The following DOCK3 variants were observed in gnomAD, a reference collection of about 807,000 sequenced individuals.
DOCK3 encodes the protein dedicator of cytokinesis protein 3.
Under a neutral mutation model 265.6 loss-of-function variants are expected in DOCK3, and 60 were observed. The ratio of observed to expected loss-of-function variants is 0.23; its 90% CI spans 0.18 to 0.28. The LOEUF (loss-of-function observed/expected upper bound fraction) is 0.28. DOCK3 is among the 10% of genes least tolerant of loss of function. DOCK3 has a pLI of 1.00. For missense variants in DOCK3, 1,981 were observed against 2,594.3 expected (o/e 0.76, Z 5.14); for synonymous variants, 881 against 938.0 (o/e 0.94, Z 1.11).
intron 5 of DOCK3, among the ~76,000 whole-genome samples, chr3:51,062,631 G>C (rs2081449425): frequency 6.6e-6 from 1 of 152,286 alleles, no homozygotes; most frequent in African/African-American, 2.4e-5. Context: ...AGTGCCATGA[G>C]AGCAGGGACT....
Position 51,089,300 on chromosome 3 carries a change from G to A in DOCK3, c.591+16G>A, listed in dbSNP as rs760422283. On this transcript the variant is annotated intron_variant, in intron 8 of 52. Transcript: ENST00000266037. ...CACATCCCAGGTAAGCGGCTTTCCT[G>A]GGTCTTCCAGCCTTTCCCCTCAACT... 1.0e-5 allele frequency: 16 copies of A among 1,605,436 alleles called. No homozygotes were observed. The highest frequency in any genetic ancestry group is 3.4e-6 in the Non-Finnish European group (4 of 1,175,922).
chr3:50,767,132 A>G (rs1458887644), intron 1 of DOCK3, among the ~76,000 whole-genome samples: 2 of 151,742 alleles, frequency 1.3e-5, no homozygotes, highest in Non-Finnish European at 2.9e-5. Context: ...ATTAGATCCC[A>G]TTTGTCTATT....
At chr3:51,245,069 C>A (rs1410341826) in intron 21 of DOCK3, among the ~76,000 whole-genome samples, 2 of 152,178 alleles carry the variant, frequency 1.3e-5, no homozygotes, top group Non-Finnish European at 2.9e-5. Flanking sequence ...TGGCTCATGC[C>A]TGTAATCCCA....
At chr3:50,733,425 T>C (rs1259246180) in intron 1 of DOCK3, among the ~76,000 whole-genome samples, 1 of 152,238 alleles carries the variant, frequency 6.6e-6, no homozygotes, top group African/African-American at 2.4e-5. Flanking sequence ...CATATGTATT[T>C]ACTACTGTTA....
In DOCK3 at chr3:51,316,596, G is replaced by A. The variant is rs141737440; in HGVS notation, c.3402+1468G>A. On this transcript the variant is annotated intron_variant, in intron 32 of 52. Transcript: ENST00000266037. ...GAAGTCTCAGCAGCAGTATATAATC[G>A]ATTGCTCCGCATACTAACCAGTACT... 4.3e-4 allele frequency among the ~76,000 whole-genome samples: 65 copies of A among 152,222 alleles called. No individual in the cohort carries two copies. The East Asian group carries it at 5.4e-3, about 13-fold the overall frequency.
chr3:51,375,573 C>T (rs1415542012), intron 50 of DOCK3, among the ~76,000 whole-genome samples, 175 bp from the exon 51 acceptor site: 1 of 152,168 alleles, frequency 6.6e-6, no homozygotes, highest in African/African-American at 2.4e-5. Context: ...ACACCCTGGA[C>T]AGTCTTTCCT....
rs763818858 is a variant in DOCK3, at chr3:50,951,839, T to A, written c.315+17762T>A. Among the ~76,000 whole-genome samples the A allele has an allele frequency of 4.3e-4, 65 of 152,272 alleles. No individual in the cohort carries two copies. In the Middle Eastern group the frequency reaches 0.01, roughly 24 times the overall value. On this transcript the variant is annotated intron_variant, in intron 5 of 52. Coordinates refer to ENST00000266037, the MANE Select transcript of DOCK3 (RefSeq NM_004947.5). The stretch of plus-strand genomic sequence containing the variant: ...CCTCACTACTTTCATGATGGCGTAA[T>A]GCACTTGATTTCATTTAACTTACCT...
intron 1 of DOCK3, among the ~76,000 whole-genome samples, chr3:50,753,985 G>A (rs199924655): frequency 2.0e-5 from 3 of 151,826 alleles, no homozygotes; most frequent in East Asian, 1.9e-4. Context: ...GTGAAACCCC[G>A]TCTCTACTAA....
chr3:51,260,193 G>A lies in DOCK3; in HGVS notation c.2222G>A (p.Arg741Gln), dbSNP rs778009798. ...CTTTTCAAGTTCATTGTACAGTCACGGATCCTGTACTCACGAGCCACTTGT... is the reference window on the plus strand; with the variant it reads ...CTTTTCAAGTTCATTGTACAGTCACAGATCCTGTACTCACGAGCCACTTGT... ...EYLFKFIVQSRILYSRATCGM... is the reference protein window; with the variant it reads ...EYLFKFIVQSQILYSRATCGM... Residue 741 changes from arginine (R) to glutamine (Q), a missense_variant, in exon 23 of 53, where the codon CGG becomes CAG. By Grantham distance (43) the Arg-to-Gln change is conservative. Around this residue, in one of 4 missense-constraint regions of DOCK3, gnomAD observed 1,357 missense variants for 1,866.8 expected, o/e 0.73. Coordinates refer to ENST00000266037, the MANE Select transcript of DOCK3 (RefSeq NM_004947.5). The A allele has an allele frequency of 2.5e-6, 4 of 1,613,446 alleles. No individual in the cohort carries two copies. Among genetic ancestry groups the A allele is most frequent in the African/African-American group, 2.7e-5 (2 of 74,822 alleles).
intron 52 of DOCK3, 31 bp downstream of exon 52, chr3:51,380,238 C>T: frequency 6.3e-7 from 1 of 1,595,572 alleles, no homozygotes. Flanking sequence ...CCCCACCAGG[C>T]TGTGAGATGA....
chr3:51,266,350 A>C (rs903660193), intron 23 of DOCK3, among the ~76,000 whole-genome samples: 3 of 152,244 alleles, frequency 2.0e-5, no homozygotes, highest in African/African-American at 7.2e-5. Context: ...TATGGAACCA[A>C]AAAAGAGCCC....
chr3:50,868,796 T>C (rs952452928), intron 3 of DOCK3, among the ~76,000 whole-genome samples: 9 of 152,110 alleles, frequency 5.9e-5, no homozygotes, highest in African/African-American at 2.2e-4. Flanking sequence ...TCCCAATTTA[T>C]TGGCATTGGC....
At chr3:51,124,476 C>T (rs887941943) in intron 9 of DOCK3, among the ~76,000 whole-genome samples, 6 of 152,100 alleles carry the variant, frequency 3.9e-5, no homozygotes, top group African/African-American at 1.4e-4. Flanking sequence ...CAGCATAAAA[C>T]CTGGTGGGCT....
At chr3:50,953,319 C>G (rs746283505) in intron 5 of DOCK3, among the ~76,000 whole-genome samples, 87 of 152,150 alleles carry the variant, frequency 5.7e-4, no homozygotes, top group Middle Eastern at 6.8e-3. Context: ...TTTCCCAAAA[C>G]CAAAAAAGTG....
intron 23 of DOCK3, among the ~76,000 whole-genome samples, chr3:51,269,720 G>A (rs2080395524): frequency 6.6e-6 from 1 of 152,196 alleles, no homozygotes; most frequent in South Asian, 2.1e-4. Context: ...AATGGCATAA[G>A]GGGACTGAGA....
At chr3:51,360,776 C>A in intron 47 of DOCK3, 144 bp downstream of exon 47, 1 of 1,115,070 alleles carries the variant, frequency 9.0e-7, no homozygotes, top group Non-Finnish European at 1.3e-6. Flanking sequence ...GCCATAGGAC[C>A]CACACCCTGC....
At chr3:50,758,754 T>C (rs1003844304) in intron 1 of DOCK3, among the ~76,000 whole-genome samples, 11 of 152,212 alleles carry the variant, frequency 7.2e-5, no homozygotes, top group African/African-American at 2.7e-4. Context: ...AACAATGTAT[T>C]ACAGATACTC....
intron 27 of DOCK3, among the ~76,000 whole-genome samples, chr3:51,284,899 A>T (rs1291484958): frequency 1.2e-4 from 18 of 152,212 alleles, no homozygotes; most frequent in South Asian, 8.3e-4. Context: ...GATCACAGAA[A>T]GCCAAGAGGT....
Position 50,776,275 on chromosome 3 carries a change from A to G in DOCK3, c.38-2400A>G, listed in dbSNP as rs189593898. ...ATTGTTTTTTGATTTTTAAATTATG[A>G]CCATTCTTGCAGAAGGTGGTGTCTT... On this transcript the variant is annotated intron_variant, in intron 1 of 52. Transcript: ENST00000266037. Among the ~76,000 whole-genome samples, 351 of 152,074 alleles carry G rather than the reference A, an allele frequency of 2.3e-3. 2 individuals carry two copies. Among genetic ancestry groups the G allele is most frequent in the African/African-American group, 8.2e-3 (341 of 41,506 alleles).
Sources: gnomAD v4.1 joint callset for allele counts (sites outside exome capture counted in the v4.1 genomes callset) on GRCh38, gnomAD v4.1.1 for gene constraint, gnomAD v4.1.1 regional missense constraint, MANE v1.5 for transcripts, NCBI Gene and HGNC (gene_info 2026-07-23, HGNC 2026-07-21) for gene names.